The following ZNF680 variants were observed in gnomAD, a reference collection of about 807,000 sequenced individuals.
The protein encoded by ZNF680 is zinc finger protein 680, also known as hypothetical protein FLJ90430.
Under a neutral mutation model 12.1 loss-of-function variants are expected in ZNF680, and 6 were observed. The ratio of observed to expected loss-of-function variants is 0.49; its 90% CI spans 0.27 to 0.98. The LOEUF is 0.98. ZNF680 is among the 50% of genes least tolerant of loss of function. The probability of loss-of-function intolerance (pLI) is 0.12; values close to 1 mark genes in which losing one functional copy is unlikely to be tolerated. For synonymous variants in ZNF680, 170 were observed against 199.3 expected, an observed-to-expected ratio of 0.85 and a Z score of 1.24; for missense variants, 561 against 616.3, an observed-to-expected ratio of 0.91 and a Z score of 0.95.
At chr7:64,528,800 G>A (rs1785703735) in intron 3 of ZNF680, among the ~76,000 whole-genome samples, 1 of 152,040 alleles carries the variant, frequency 6.6e-6, no homozygotes, top group Non-Finnish European at 1.5e-5. Flanking sequence ...CACCCACTGG[G>A]TTCCTCTCCA....
chr7:64,499,657 T>C, the ZNF680 span, among the ~76,000 whole-genome samples: 1 of 152,114 alleles, frequency 6.6e-6, no homozygotes, highest in African/African-American at 2.4e-5. Context: ...GGCAGGGGAA[T>C]TGCTTGAACC....
At position 64,555,853 on chromosome 7, in the gene ZNF680, T is replaced by C. The variant is rs1787385574; in HGVS notation, c.30+7072A>G. On this transcript the variant is annotated intron_variant, in intron 1 of 3. Transcript: ENST00000309683. ...CTGACCCCACAGAAATACAAATAAC[T>C]ATTGAAGTCTACTATGAACACTTCT... 1.3e-5 allele frequency among the ~76,000 whole-genome samples: 2 copies of C among 151,748 alleles called. 1 individual carries two copies. Among genetic ancestry groups the C allele is most frequent in the South Asian group, 4.1e-4 (2 of 4,828 alleles).
At chr7:64,531,020 AAC>A (rs1343460236) in intron 3 of ZNF680, among the ~76,000 whole-genome samples, 6 of 152,052 alleles carry the variant, frequency 3.9e-5, no homozygotes, top group East Asian at 1.9e-4. Context: ...AAATGTGATA[AAC>A]ACAGTAAGAG....
At chr7:64,533,014 T>C (rs1785968899) in intron 3 of ZNF680, among the ~76,000 whole-genome samples, 1 of 152,154 alleles carries the variant, frequency 6.6e-6, no homozygotes, top group Non-Finnish European at 1.5e-5. Context: ...ACAAGGGACA[T>C]ACCTCCACGT....
intron 3 of ZNF680, among the ~76,000 whole-genome samples, chr7:64,528,044 A>T (rs528637659): frequency 6.6e-6 from 1 of 152,292 alleles, no homozygotes; most frequent in East Asian, 1.9e-4. Flanking sequence ...CCACTGGGGA[A>T]ACTGAAGGTC....
rs202130424 is a variant in ZNF680 at position 64,536,913 on chromosome 7, C to CA, written c.253+6793dup. 2.5e-4 allele frequency among the ~76,000 whole-genome samples: 38 copies of CA among 150,900 alleles called. 1 individual carries two copies. The highest frequency in any genetic ancestry group is 6.3e-4 in the African/African-American group (26 of 41,206). ...GTGAGGCCCTGTCCCTACAAATAAT[C>CA]AAAAAAAATAGCTAGACATGATAGT... On this transcript the variant is annotated intron_variant, in intron 3 of 3. Transcript: ENST00000309683.
chr7:64,532,097 C>T (rs937385266), intron 3 of ZNF680, among the ~76,000 whole-genome samples: 2 of 151,984 alleles, frequency 1.3e-5, no homozygotes, highest in Non-Finnish European at 2.9e-5. Flanking sequence ...CAAGGTCAGG[C>T]GACTGAGACC....
At chr7:64,505,995 G>C in the ZNF680 span, among the ~76,000 whole-genome samples, 2 of 152,002 alleles carry the variant, frequency 1.3e-5, no homozygotes, top group Non-Finnish European at 2.9e-5. Flanking sequence ...AGCCCAATCA[G>C]GATAATCTCC....
chr7:64,532,271 C>T (rs1307682795), intron 3 of ZNF680, among the ~76,000 whole-genome samples: 1 of 151,474 alleles, frequency 6.6e-6, no homozygotes, highest in African/African-American at 2.4e-5. Context: ...TACCACTGCA[C>T]TCCAGCCTGG....
At chr7:64,504,912 C>T in the ZNF680 span, among the ~76,000 whole-genome samples, 7 of 152,084 alleles carry the variant, frequency 4.6e-5, no homozygotes, top group Non-Finnish European at 7.4e-5. Flanking sequence ...TCAATTTACT[C>T]TAAATTGAGA....
intron 3 of ZNF680, 125 bp from the exon 4 acceptor site, chr7:64,522,625 C>CTT (rs778106894): frequency 1.5e-5 from 12 of 779,256 alleles, no homozygotes; most frequent in Non-Finnish European, 2.1e-5. Flanking sequence ...ACTAAAAAAT[C>CTT]CTAAAAGTTA....
chr7:64,541,804 A>G (rs1786518004), intron 3 of ZNF680, among the ~76,000 whole-genome samples: 1 of 152,210 alleles, frequency 6.6e-6, no homozygotes. Flanking sequence ...GGAGGAAGAC[A>G]GCCATTTATA....
At position 64,562,932 on chromosome 7, in the gene ZNF680, A is replaced by C. The variant is rs1787826985; in HGVS notation, c.23T>G (p.Leu8Arg). 1 of 1,613,532 alleles carries C rather than the reference A, an allele frequency of 6.2e-7. No homozygotes were observed. Among genetic ancestry groups the C allele is most frequent in the Non-Finnish European group, 8.5e-7 (1 of 1,179,750 alleles). MPGPPGS[L>R]EMGPLTFRDV... ...GTCGGACCGCACTCTCACCATTTCT[A>C]GGCTTCCAGGTGGTCCTGGCATCTT... is the stretch of plus-strand genomic sequence containing the variant. The change falls in exon 1 of 4, where the codon CTA becomes CGA. Residue 8 changes from leucine to arginine, a missense_variant. Leu to Arg is a moderately radical substitution (Grantham distance 102). Coordinates refer to ENST00000309683, the MANE Select transcript of ZNF680 (RefSeq NM_178558.5).
chr7:64,527,414 T>C (rs1415588306), intron 3 of ZNF680, among the ~76,000 whole-genome samples: 3 of 151,150 alleles, frequency 2.0e-5, no homozygotes, highest in South Asian at 2.1e-4. Context: ...TAAAAAAAGG[T>C]GCTGGGCACA....
downstream of ZNF680, among the ~76,000 whole-genome samples, chr7:64,516,463 T>G (rs1332321657): frequency 6.6e-6 from 1 of 152,158 alleles, no homozygotes; most frequent in Non-Finnish European, 1.5e-5. Context: ...CTCCCAAATT[T>G]ATAAAACAAT....
the ZNF680 span, chr7:64,501,656 T>G: frequency 1.0e-6 from 1 of 971,318 alleles, no homozygotes; most frequent in Non-Finnish European, 1.7e-6. Flanking sequence ...CAGCTGGAGT[T>G]GACCAAGGAT....
At chr7:64,560,665 A>T (rs907213856) in intron 1 of ZNF680, among the ~76,000 whole-genome samples, 14 of 152,276 alleles carry the variant, frequency 9.2e-5, no homozygotes, top group African/African-American at 2.9e-4. Context: ...TACAAAAATT[A>T]GCTGAGTGTG....
At chr7:64,539,376 G>GAAAAAAAAAAA (rs1233424872) in intron 3 of ZNF680, among the ~76,000 whole-genome samples, 3 of 72,054 alleles carry the variant, frequency 4.2e-5, no homozygotes, top group African/African-American at 6.0e-5. Context: ...AAAAAAAAAA[G>GAAAAAAAAAAA]AAAAGAAAAT....
downstream of ZNF680, among the ~76,000 whole-genome samples, chr7:64,517,027 T>C (rs1338909723): frequency 6.6e-6 from 1 of 151,788 alleles, no homozygotes; most frequent in Non-Finnish European, 1.5e-5. Context: ...AAGAGCACAA[T>C]ATACTAAGGT....
Sources: allele counts gnomAD v4.1 joint callset (sites outside exome capture counted in the v4.1 genomes callset), GRCh38; gene constraint gnomAD v4.1.1; transcripts MANE v1.5; gene names NCBI Gene and HGNC (gene_info 2026-07-23, HGNC 2026-07-21).